KMT2A: variants seen among roughly 807,000 people sequenced by gnomAD.
KMT2A encodes histone-lysine N-methyltransferase 2A.
In KMT2A, 16 loss-of-function variants were observed where a neutral mutation model predicts 345.3. The observed-to-expected ratio is 0.05, with a 90% CI of 0.03 to 0.07. The LOEUF is 0.07. Among genes scored for constraint, KMT2A ranks in the 10% least tolerant of loss-of-function variants. KMT2A has a pLI of 1.00. For synonymous variants in KMT2A, 1,599 were observed against 1,778.6 expected, an observed-to-expected ratio of 0.90 and a Z score of 2.54; for missense variants, 3,272 against 4,841.6, an observed-to-expected ratio of 0.68 and a Z score of 9.62.
chr11:118,500,013 T>C (rs1183270629), intron 24 of KMT2A, 100 bp downstream of exon 24: 9 of 733,224 alleles, frequency 1.2e-5, no homozygotes, highest in South Asian at 1.7e-5. Flanking sequence ...TTAGCTACTT[T>C]AAACTGCTAC....
chr11:118,464,539 C>CAAA (rs35564663), intron 1 of KMT2A, among the ~76,000 whole-genome samples: 11 of 65,036 alleles, frequency 1.7e-4, no homozygotes, highest in African/African-American at 5.5e-4. Context: ...AACTCTGTCT[C>CAAA]AAAAAAAAAA....
intron 28 of KMT2A, among the ~76,000 whole-genome samples, chr11:118,508,593 G>C (rs995200464): frequency 1.3e-5 from 2 of 151,884 alleles, no homozygotes; most frequent in African/African-American, 4.8e-5. Flanking sequence ...AAGTTAACCA[G>C]GCATGGTGGT....
intron 24 of KMT2A, among the ~76,000 whole-genome samples, chr11:118,500,384 A>G (rs1555045283): frequency 6.6e-6 from 1 of 152,262 alleles, no homozygotes; most frequent in Non-Finnish European, 1.5e-5. Context: ...CAAGCTAACA[A>G]TATAAGTTCA....
intron 31 of KMT2A, among the ~76,000 whole-genome samples, chr11:118,513,483 C>T (rs141789464): frequency 1.1e-3 from 172 of 151,990 alleles, no homozygotes; most frequent in African/African-American, 4.0e-3. Flanking sequence ...TTAGAAAATA[C>T]TAACATTTGT....
rs1555047319 is a variant in KMT2A at position 118,504,617 on chromosome 11, C to T, written c.8725C>T (p.Pro2909Ser). ...TTCTCAGCAGCTGCCTACAACAGAA[C>T]CTGTGGATAGTAGTGTCTCTTCCTC... is the stretch of plus-strand genomic sequence containing the variant. Reference protein sequence around the residue: ...VFSQQLPTTEPVDSSVSSSIS... With the variant: ...VFSQQLPTTESVDSSVSSSIS... The change falls in exon 27 of 36, where the codon CCT becomes TCT. Residue 2909 changes from proline to serine, a missense_variant. This residue lies in a region of KMT2A where 748 missense variants were observed against 922.2 expected (regional missense o/e 0.81). Transcript: ENST00000534358. The surrounding 1 kb of genome is among the most constrained non-coding windows in gnomAD (Gnocchi z 6.4). 1 of 1,614,104 alleles carries T rather than the reference C, an allele frequency of 6.2e-7. No homozygotes were observed. The highest frequency in any genetic ancestry group is 8.5e-7 in the Non-Finnish European group (1 of 1,180,008).
At chr11:118,500,700 T>C (rs1443573783) in intron 24 of KMT2A, 7 of 245,654 alleles carry the variant, frequency 2.8e-5, no homozygotes, top group Admixed American at 2.5e-4. Context: ...TAATGGTTAA[T>C]ATTTTTCTTT....
rs1247711394 is a variant in KMT2A, at chr11:118,501,141, T to G, written c.6313T>G (p.Phe2105Val). 1.2e-6 allele frequency: 2 copies of G among 1,613,402 alleles called. No individual in the cohort carries two copies. The highest frequency in any genetic ancestry group is 1.3e-5 in the African/African-American group (1 of 74,864). Residue 2105 changes from phenylalanine to valine, a missense_variant, in exon 25 of 36, where the codon TTT becomes GTT. By Grantham distance (50) the Phe-to-Val change is conservative. Around this residue, in one of 27 missense-constraint regions of KMT2A, gnomAD observed 66 missense variants for 73.9 expected, o/e 0.89. Coordinates refer to ENST00000534358, the MANE Select transcript of KMT2A (RefSeq NM_001197104.2). ...GACCATTGCCCATAGTCCAACATCT[T>G]TTACAGGTTAGTCTTGAATCAAGAT... ...NRTIAHSPTS[F>V]TESSSKESQN...
chr11:118,517,485 TA>T (rs1363113860), intron 31 of KMT2A, among the ~76,000 whole-genome samples: 3 of 151,886 alleles, frequency 2.0e-5, no homozygotes, highest in African/African-American at 2.4e-5. Flanking sequence ...TTGTGTTACA[TA>T]GTGTTACATA....
Position 118,472,102 on chromosome 11 carries a change from C to G in KMT2A, c.943C>G (p.Pro315Ala), listed in dbSNP as rs1555035712. 1.2e-6 allele frequency: 2 copies of G among 1,614,008 alleles called. No homozygotes were observed. The highest frequency in any genetic ancestry group is 1.7e-6 in the Non-Finnish European group (2 of 1,180,028). Residue 315 changes from proline to alanine, a missense_variant, in exon 3 of 36, where the codon CCT becomes GCT. Around this residue, in one of 27 missense-constraint regions of KMT2A, gnomAD observed 412 missense variants for 511.0 expected, o/e 0.81. Coordinates refer to ENST00000534358, the MANE Select transcript of KMT2A (RefSeq NM_001197104.2). ...TCCATCAACAGAAAGGATAAAGACC[C>G]CTTCGGGTCTCCTCATTAATTCTGA... is the stretch of plus-strand genomic sequence containing the variant. ...RPPSTERIKT[P>A]SGLLINSELE... is the part of the protein sequence containing the mutation.
chr11:118,455,648 C>A (rs1343498695), intron 1 of KMT2A, among the ~76,000 whole-genome samples: 1 of 151,690 alleles, frequency 6.6e-6, no homozygotes, highest in Non-Finnish European at 1.5e-5. Context: ...TTTCTTCCCC[C>A]TCTCTGCCCC....
At chr11:118,463,946 T>C (rs1052432800) in intron 1 of KMT2A, among the ~76,000 whole-genome samples, 10 of 152,276 alleles carry the variant, frequency 6.6e-5, no homozygotes, top group Non-Finnish European at 1.5e-4. Context: ...TCTGCTAAAA[T>C]TGAAGCAAAA....
intron 1 of KMT2A, among the ~76,000 whole-genome samples, chr11:118,452,856 A>G (rs1949568770): frequency 6.6e-6 from 1 of 151,230 alleles, no homozygotes; most frequent in South Asian, 2.1e-4. Context: ...CTGGTCTCGA[A>G]CTCCTGACCT....
chr11:118,503,997 C>A lies in KMT2A; in HGVS notation c.8105C>A (p.Ser2702Tyr). ...TCAGGTGGAGAGGAACGACTGGCAT[C>A]CCATAATTTATTTCGGGAGGAGGAA... Reference protein sequence around the residue: ...ISSGGEERLASHNLFREEEQC... With the variant: ...ISSGGEERLAYHNLFREEEQC... Residue 2702 changes from serine to tyrosine, a missense_variant, in exon 27 of 36, where the codon TCC becomes TAC. This residue lies in a region of KMT2A where 47 missense variants were observed against 53.6 expected (regional missense o/e 0.88). Transcript: ENST00000534358. This position sits in a 1 kb window ranked among gnomAD's most constrained non-coding sequence, Gnocchi z 5.3. The A allele has an allele frequency of 6.2e-7, 1 of 1,614,150 alleles. No individual in the cohort carries two copies. The highest frequency in any genetic ancestry group is 1.1e-5 in the South Asian group (1 of 91,070).
At chr11:118,483,239 A>G (rs2134307212) in intron 8 of KMT2A, among the ~76,000 whole-genome samples, 1 of 150,832 alleles carries the variant, frequency 6.6e-6, no homozygotes, top group Admixed American at 6.6e-5. Context: ...TCCCAAAAAA[A>G]AAAAAAAAAG....
In KMT2A at chr11:118,521,142, C is replaced by A; in HGVS notation, c.11514-146C>A. Reference sequence around the variant, plus strand: ...TCATCTTTGGCCATGTGTTAGATGGCCAAATCAAGTGGGTCCAAATTTTTA... The same window carrying A: ...TCATCTTTGGCCATGTGTTAGATGGACAAATCAAGTGGGTCCAAATTTTTA... On this transcript the variant is annotated intron_variant, in intron 34 of 35. Coordinates refer to ENST00000534358, the MANE Select transcript of KMT2A (RefSeq NM_001197104.2). The surrounding 1 kb of genome is among the most constrained non-coding windows in gnomAD (Gnocchi z 5.3). The A allele has an allele frequency of 1.1e-6, 1 of 878,972 alleles. No individual in the cohort carries two copies. Among genetic ancestry groups the A allele is most frequent in the Non-Finnish European group, 1.8e-6 (1 of 565,258 alleles). The allele number at this position is 878,972 out of a possible 1,614,324, so 54.4% of individuals were successfully genotyped here. A position where few individuals can be genotyped will look rare whatever the true frequency, so the allele number is the denominator to read the frequency against.
chr11:118,487,918 C>T (rs1236618574), intron 10 of KMT2A, among the ~76,000 whole-genome samples: 1 of 152,180 alleles, frequency 6.6e-6, no homozygotes, highest in Admixed American at 6.5e-5. Context: ...TGGTGGCTCA[C>T]GCCTATAATC....
At chr11:118,509,650 C>T (rs1216401241) in intron 29 of KMT2A, among the ~76,000 whole-genome samples, 1 of 152,012 alleles carries the variant, frequency 6.6e-6, no homozygotes, top group African/African-American at 2.4e-5. Flanking sequence ...TTAGAGAGTT[C>T]TGGGTATAAC....
chr11:118,458,864 T>G (rs975896768), intron 1 of KMT2A, among the ~76,000 whole-genome samples: 3 of 152,222 alleles, frequency 2.0e-5, no homozygotes, highest in Non-Finnish European at 1.5e-5. Context: ...TCTTCAACTT[T>G]AGTTGTTCTC....
chr11:118,444,996 C>T (rs1555026760), intron 1 of KMT2A, among the ~76,000 whole-genome samples: 1 of 152,172 alleles, frequency 6.6e-6, no homozygotes, highest in Non-Finnish European at 1.5e-5. Context: ...TAGCATTTTG[C>T]CTGGCACATA....
Sources: allele counts gnomAD v4.1 joint callset (sites outside exome capture counted in the v4.1 genomes callset), GRCh38; gene constraint gnomAD v4.1.1; regional missense constraint gnomAD v4.1.1; non-coding constraint Gnocchi (gnomAD v3.1); transcripts MANE v1.5; gene names NCBI Gene and HGNC (gene_info 2026-07-23, HGNC 2026-07-21).